Variants in INPP4B observed in about 807,000 individuals in gnomAD.
INPP4B encodes inositol polyphosphate 4-phosphatase type II.
In INPP4B, 55 loss-of-function variants were observed where a neutral mutation model predicts 122.5. That is an observed-to-expected ratio of 0.45 (90% CI 0.36 to 0.56). The LOEUF (loss-of-function observed/expected upper bound fraction) is 0.56, where lower values mean the gene tolerates loss of function less well. Among genes scored for constraint, INPP4B ranks in the 20% least tolerant of loss-of-function variants. INPP4B has a pLI of 0.00. For synonymous variants in INPP4B, 403 were observed against 388.7 expected (o/e 1.04, Z -0.43); for missense variants, 1,000 against 1,097.7 (o/e 0.91, Z 1.26).
intron 2 of INPP4B, among the ~76,000 whole-genome samples, chr4:142,716,562 C>T (rs7697630): frequency 0.011 from 1,688 of 152,306 alleles, 34 homozygotes; most frequent in African/African-American, 0.039. Context: ...GAATCTTTCT[C>T]TCTTAAATAG....
intron 2 of INPP4B, chr4:142,514,548 T>C (rs1426303477): frequency 1.2e-4 from 18 of 152,182 alleles, no homozygotes; most frequent in Admixed American, 1.2e-3. Flanking sequence ...TTTGTCAAGT[T>C]TGTATAATGC....
chr4:142,768,664 G>A (rs1411162707), intron 1 of INPP4B, among the ~76,000 whole-genome samples: 2 of 152,192 alleles, frequency 1.3e-5, no homozygotes, highest in Non-Finnish European at 2.9e-5. Context: ...CAAGAGATGT[G>A]CATTTCAAGT....
intron 2 of INPP4B, among the ~76,000 whole-genome samples, chr4:142,637,940 A>C (rs1169365467): frequency 6.6e-6 from 1 of 152,172 alleles, no homozygotes; most frequent in Non-Finnish European, 1.5e-5. Flanking sequence ...GCAGTTCTCT[A>C]ATGACATGAT....
intron 3 of INPP4B, among the ~76,000 whole-genome samples, chr4:142,461,594 T>C (rs1267408482): frequency 6.6e-6 from 1 of 152,186 alleles, no homozygotes; most frequent in African/African-American, 2.4e-5. Flanking sequence ...TTTTCTGGCT[T>C]GCATTATCTA....
chr4:142,528,322 T>C (rs566292083), intron 2 of INPP4B, among the ~76,000 whole-genome samples: 1 of 152,154 alleles, frequency 6.6e-6, no homozygotes, highest in South Asian at 2.1e-4. Context: ...AAGGTGTTAA[T>C]TGGGGCGAGA....
chr4:142,428,197 T>C (rs1808522490), intron 5 of INPP4B, among the ~76,000 whole-genome samples: 1 of 151,298 alleles, frequency 6.6e-6, no homozygotes, highest in South Asian at 2.1e-4. Context: ...AAATGCATGT[T>C]CCTAAAATAC....
intron 25 of INPP4B, among the ~76,000 whole-genome samples, chr4:142,049,180 A>T (rs1753155164): frequency 6.6e-6 from 1 of 152,054 alleles, no homozygotes; most frequent in African/African-American, 2.4e-5. Context: ...AATGTAATGG[A>T]AGAATCCTAT....
chr4:142,762,122 C>G (rs1771433015), intron 1 of INPP4B, among the ~76,000 whole-genome samples: 1 of 152,072 alleles, frequency 6.6e-6, no homozygotes, highest in Non-Finnish European at 1.5e-5. Flanking sequence ...CAGGCTTTTT[C>G]TCGTTTCTTC....
chr4:142,516,642 G>A (rs1178482121), intron 2 of INPP4B, among the ~76,000 whole-genome samples: 1 of 152,160 alleles, frequency 6.6e-6, no homozygotes, highest in Admixed American at 6.5e-5. Flanking sequence ...GTATGCTTTT[G>A]TCCTTGGTAT....
intron 2 of INPP4B, among the ~76,000 whole-genome samples, chr4:142,690,142 T>C (rs1366024542): frequency 1.3e-5 from 2 of 152,190 alleles, no homozygotes; most frequent in Non-Finnish European, 2.9e-5. Flanking sequence ...ATCTGATTCT[T>C]AGCATCCTTT....
chr4:142,541,750 T>A (rs558845197), intron 2 of INPP4B, among the ~76,000 whole-genome samples: 3 of 152,218 alleles, frequency 2.0e-5, no homozygotes, highest in African/African-American at 7.2e-5. Flanking sequence ...TCTCACACAC[T>A]CAACTCCTAT....
chr4:142,249,810 C>T (rs572661032), intron 11 of INPP4B, among the ~76,000 whole-genome samples: 13 of 152,168 alleles, frequency 8.5e-5, no homozygotes, highest in Non-Finnish European at 1.6e-4. Context: ...AAACAAGGTG[C>T]CTCAGTTAGT....
intron 7 of INPP4B, among the ~76,000 whole-genome samples, chr4:142,349,445 C>T (rs1032808536): frequency 1.2e-4 from 18 of 151,930 alleles, no homozygotes; most frequent in African/African-American, 4.1e-4. Flanking sequence ...ACTAAGTGGT[C>T]CTCTAAGAGA....
Position 142,804,332 on chromosome 4 carries a change from C to T in INPP4B, c.-254+41877G>A, listed in dbSNP as rs192167015. Among the ~76,000 whole-genome samples, 3 of 152,216 alleles carry T rather than the reference C, an allele frequency of 2.0e-5. No homozygotes were observed. The East Asian group carries it at 5.8e-4, about 29-fold the overall frequency. On this transcript the variant is annotated intron_variant, in intron 1 of 25. Transcript: ENST00000262992. ...GGTTTATATAATCTGGCACCTGCTG[C>T]GTCTGGGTCTTATTCTCTCTAGGTC...
chr4:142,163,547 G>A (rs1212397628), intron 16 of INPP4B, among the ~76,000 whole-genome samples: 1 of 151,862 alleles, frequency 6.6e-6, no homozygotes, highest in East Asian at 1.9e-4. Flanking sequence ...AAGATATTTT[G>A]AGAGAGACCA....
intron 2 of INPP4B, among the ~76,000 whole-genome samples, chr4:142,697,781 G>A (rs1761214121): frequency 6.6e-6 from 1 of 152,054 alleles, no homozygotes; most frequent in South Asian, 2.1e-4. Context: ...AGAACATGAG[G>A]CATGGGTAAA....
chr4:142,486,288 C>T (rs1048369725), intron 2 of INPP4B, among the ~76,000 whole-genome samples: 3 of 152,172 alleles, frequency 2.0e-5, no homozygotes, highest in South Asian at 4.1e-4. Context: ...TACATTCTCA[C>T]CAACATTTAG....
At chr4:142,108,247 A>G (rs891019521) in intron 22 of INPP4B, 57 bp from the exon 23 acceptor site, 13 of 840,158 alleles carry the variant, frequency 1.5e-5, no homozygotes, top group African/African-American at 3.4e-5. Flanking sequence ...AAAAAGTAAC[A>G]CATTTTACCT....
At chr4:142,068,772 G>A (rs2152471054) in intron 25 of INPP4B, among the ~76,000 whole-genome samples, 1 of 152,310 alleles carries the variant, frequency 6.6e-6, no homozygotes, top group South Asian at 2.1e-4. Context: ...AATTCAACAA[G>A]AAGAGCTAAC....
Sources: gnomAD v4.1 joint callset for allele counts (sites outside exome capture counted in the v4.1 genomes callset) on GRCh38, gnomAD v4.1.1 for gene constraint, MANE v1.5 for transcripts, NCBI Gene and HGNC (gene_info 2026-07-23, HGNC 2026-07-21) for gene names.